ELK3: variants seen among roughly 807,000 people sequenced by gnomAD.
ELK3 encodes the protein ETS transcription factor ELK3.
A neutral mutation model predicts 28.9 loss-of-function variants in ELK3; 10 were observed. The observed-to-expected ratio is 0.35, with a 90% confidence interval of 0.21 to 0.59. The LOEUF (loss-of-function observed/expected upper bound fraction) is 0.59, where lower values mean the gene tolerates loss of function less well. ELK3 is among the 20% of genes least tolerant of loss of function. The pLI, the probability that ELK3 is intolerant of heterozygous loss-of-function variation, is 0.82. For synonymous variants in ELK3, 272 were observed against 243.5 expected, an observed-to-expected ratio of 1.12 and a Z score of -1.09; for missense variants, 463 against 517.3, an observed-to-expected ratio of 0.90 and a Z score of 1.02.
chr12:96,219,580 A>G, intron 1 of ELK3, among the ~76,000 whole-genome samples: 1 of 152,194 alleles, frequency 6.6e-6, no homozygotes, highest in East Asian at 1.9e-4. Flanking sequence ...GCGCTGTGGC[A>G]GCTGGTGGCC....
Position 96,226,951 on chromosome 12 carries a change from C to T in ELK3, c.207+3178C>T, listed in dbSNP as rs541147437. 2.0e-4 allele frequency among the ~76,000 whole-genome samples: 31 copies of T among 152,306 alleles called. No individual in the cohort carries two copies. The South Asian group carries it at 3.7e-3, about 18-fold the overall frequency. On this transcript the variant is annotated intron_variant, in intron 2 of 4. Coordinates refer to ENST00000228741, the MANE Select transcript of ELK3 (RefSeq NM_005230.4). ...AAACTACACTCTATTTGACATTTTC[C>T]GATGACCTCTTTCTTCCTTCCGTTT...
chr12:96,227,897 G>T (rs564934460), intron 2 of ELK3, among the ~76,000 whole-genome samples: 2 of 152,304 alleles, frequency 1.3e-5, no homozygotes, highest in Non-Finnish European at 2.9e-5. Flanking sequence ...GTGTTCACAC[G>T]TGTGCAGGGC....
At chr12:96,244,524 T>C (rs1951843285) in intron 2 of ELK3, among the ~76,000 whole-genome samples, 1 of 152,070 alleles carries the variant, frequency 6.6e-6, no homozygotes. Flanking sequence ...ATCCTTTTTC[T>C]TCTGTGTTTT....
At chr12:96,201,397 G>A (rs186008835) in intron 1 of ELK3, among the ~76,000 whole-genome samples, 8 of 151,954 alleles carry the variant, frequency 5.3e-5, no homozygotes, top group Non-Finnish European at 1.0e-4. Context: ...GAAGCAGGCA[G>A]ATCACTTGAG....
chr12:96,246,698 C>T (rs993350111), intron 2 of ELK3, among the ~76,000 whole-genome samples: 3 of 152,152 alleles, frequency 2.0e-5, no homozygotes, highest in African/African-American at 2.4e-5. Flanking sequence ...CCTTACTTTA[C>T]AGACGAGGAA....
chr12:96,267,447 G>A lies in ELK3; in HGVS notation c.*267G>A. 1 of 299,106 alleles carries A rather than the reference G, an allele frequency of 3.3e-6. No homozygotes were observed. Among genetic ancestry groups the A allele is most frequent in the South Asian group, 4.2e-5 (1 of 23,542 alleles). 18.5% of individuals were successfully genotyped at this position (299,106 alleles called of 1,614,324 possible). On this transcript the variant is annotated 3_prime_UTR_variant, in exon 5 of 5. Transcript: ENST00000228741. ...TAGCTCTTAAGTGTTGAACACTGTT[G>A]ACAGTGAAGAACTTTTCTTAATGGT... is the stretch of plus-strand genomic sequence containing the variant.
chr12:96,198,954 A>G (rs2136997351), intron 1 of ELK3, among the ~76,000 whole-genome samples: 1 of 152,348 alleles, frequency 6.6e-6, no homozygotes, highest in African/African-American at 2.4e-5. Flanking sequence ...TGTTGGCTCA[A>G]CCATGGATTG....
intron 1 of ELK3, among the ~76,000 whole-genome samples, chr12:96,196,663 A>G (rs1951470454): frequency 6.6e-6 from 1 of 151,442 alleles, no homozygotes; most frequent in African/African-American, 2.4e-5. Context: ...TCCAGTAATG[A>G]TCCTGCCTAG....
chr12:96,201,052 C>T (rs1951504691), intron 1 of ELK3, among the ~76,000 whole-genome samples: 1 of 152,042 alleles, frequency 6.6e-6, no homozygotes, highest in Non-Finnish European at 1.5e-5. Flanking sequence ...CATGATTCTA[C>T]CATATAGATT....
At chr12:96,223,808 G>A (rs746052980) in intron 2 of ELK3, 35 bp downstream of exon 2, 1 of 1,605,310 alleles carries the variant, frequency 6.2e-7, no homozygotes, top group East Asian at 2.2e-5. Context: ...CCGTCTTGGG[G>A]AGGGTGGAAT....
At chr12:96,262,573 T>C (rs1301312656) in intron 4 of ELK3, among the ~76,000 whole-genome samples, 1 of 152,122 alleles carries the variant, frequency 6.6e-6, no homozygotes, top group Non-Finnish European at 1.5e-5. Context: ...GGCCTTGGGC[T>C]CTCTTTTTGT....
At chr12:96,236,343 C>T (rs950511070) in intron 2 of ELK3, among the ~76,000 whole-genome samples, 3 of 152,082 alleles carry the variant, frequency 2.0e-5, no homozygotes, top group African/African-American at 7.3e-5. Flanking sequence ...CTCACTAGCA[C>T]CCTCAGGGTG....
At chr12:96,215,106 C>CTT (rs879830355) in intron 1 of ELK3, among the ~76,000 whole-genome samples, 2 of 142,896 alleles carry the variant, frequency 1.4e-5, no homozygotes, top group African/African-American at 5.1e-5. Context: ...CTCTCATTGC[C>CTT]TTTTTTTTTT....
chr12:96,266,016 T>A (rs1007656877), intron 4 of ELK3, among the ~76,000 whole-genome samples: 1 of 152,222 alleles, frequency 6.6e-6, no homozygotes, highest in African/African-American at 2.4e-5. Flanking sequence ...GCTTATTAGC[T>A]GTGTGACCTT....
chr12:96,228,415 TCA>T (rs1491510582), intron 2 of ELK3, among the ~76,000 whole-genome samples: 4 of 32,930 alleles, frequency 1.2e-4, no homozygotes, highest in Non-Finnish European at 2.0e-4. Flanking sequence ...AGACTCTGTG[TCA>T]AAAAAAAAAA....
intron 3 of ELK3, among the ~76,000 whole-genome samples, chr12:96,258,018 A>G (rs889050607): frequency 8.5e-5 from 13 of 152,250 alleles, no homozygotes; most frequent in African/African-American, 2.9e-4. Context: ...AAGAGCTTGC[A>G]GTAGATCAGC....
chr12:96,201,933 T>A (rs1353601334), intron 1 of ELK3, among the ~76,000 whole-genome samples: 1 of 152,200 alleles, frequency 6.6e-6, no homozygotes, highest in Non-Finnish European at 1.5e-5. Flanking sequence ...CAGGCAGCAC[T>A]GATTTCTAAT....
intron 1 of ELK3, among the ~76,000 whole-genome samples, chr12:96,209,079 C>G (rs1158970339): frequency 6.6e-6 from 1 of 152,374 alleles, no homozygotes; most frequent in African/African-American, 2.4e-5. Flanking sequence ...ACCATCCTTC[C>G]TGACCCTGCC....
chr12:96,215,623 T>G (rs1182363487), intron 1 of ELK3, among the ~76,000 whole-genome samples: 1 of 141,088 alleles, frequency 7.1e-6, no homozygotes, highest in African/African-American at 2.6e-5. Flanking sequence ...AAGAGGGACA[T>G]AAAACCTTTT....
Sources: gnomAD v4.1 joint callset for allele counts (sites outside exome capture counted in the v4.1 genomes callset) on GRCh38, gnomAD v4.1.1 for gene constraint, MANE v1.5 for transcripts, NCBI Gene and HGNC (gene_info 2026-07-23, HGNC 2026-07-21) for gene names.